The following TSNARE1 variants were observed in gnomAD, a reference collection of about 807,000 sequenced individuals.
The protein encoded by TSNARE1 is t-SNARE domain containing 1, also known as t-SNARE domain-containing protein 1.
Under a neutral mutation model 62.0 loss-of-function variants are expected in TSNARE1, and 49 were observed. The observed-to-expected ratio is 0.79, with a 90% CI of 0.63 to 1.00. The LOEUF is 1.00. Ranked by LOEUF, TSNARE1 falls within the 50% of genes least tolerant of loss-of-function variation. The pLI is 0.00. For missense variants in TSNARE1, 755 were observed against 700.1 expected, an observed-to-expected ratio of 1.08 and a Z score of -0.88; for synonymous variants, 328 against 294.4, an observed-to-expected ratio of 1.11 and a Z score of -1.17.
chr8:142,254,070 C>A (rs890437027), intron 12 of TSNARE1, among the ~76,000 whole-genome samples: 1 of 152,276 alleles, frequency 6.6e-6, no homozygotes, highest in Non-Finnish European at 1.5e-5. Flanking sequence ...ATAAAATGCT[C>A]TGTGCCTCCC....
chr8:142,250,843 T>G (rs73364661), intron 12 of TSNARE1, among the ~76,000 whole-genome samples: 2 of 152,128 alleles, frequency 1.3e-5, no homozygotes, highest in Admixed American at 6.5e-5. Flanking sequence ...CAGACTGCCT[T>G]GAACGCAGGA....
chr8:142,222,299 T>TCCACTAATTCAC (rs1563754961), intron 13 of TSNARE1, among the ~76,000 whole-genome samples: 453 of 20,146 alleles, frequency 0.022, 116 homozygotes, highest in African/African-American at 0.032. Flanking sequence ...CTCTCACTCA[T>TCCACTAATTCAC]TCACTCACTC....
chr8:142,236,516 C>A (rs1390375926), intron 12 of TSNARE1, among the ~76,000 whole-genome samples: 2 of 151,236 alleles, frequency 1.3e-5, no homozygotes, highest in Non-Finnish European at 3.0e-5. Context: ...GTTGGCCCCC[C>A]TCCCCTGTTT....
intron 12 of TSNARE1, among the ~76,000 whole-genome samples, chr8:142,243,685 C>T (rs997897343): frequency 3.3e-5 from 5 of 152,124 alleles, no homozygotes; most frequent in Admixed American, 3.3e-4. Flanking sequence ...CTCTAACGTA[C>T]AGCATGGTAA....
At chr8:142,341,896 G>A (rs1425637751) in intron 4 of TSNARE1, among the ~76,000 whole-genome samples, 1 of 152,188 alleles carries the variant, frequency 6.6e-6, no homozygotes, top group Non-Finnish European at 1.5e-5. Context: ...TGTGAGGAGG[G>A]CAGGAGGACT....
chr8:142,262,123 G>A (rs368564497), intron 12 of TSNARE1, among the ~76,000 whole-genome samples: 1 of 152,226 alleles, frequency 6.6e-6, no homozygotes, highest in Non-Finnish European at 1.5e-5. Flanking sequence ...CGGCGACTCC[G>A]TGGTGGGACA....
intron 13 of TSNARE1, among the ~76,000 whole-genome samples, chr8:142,221,727 A>G: frequency 7.1e-6 from 1 of 140,378 alleles, no homozygotes; most frequent in Non-Finnish European, 1.6e-5. Context: ...TCACTCATTC[A>G]CTCACTCATT....
At chr8:142,354,929 ACC>A (rs534007467) in intron 1 of TSNARE1, among the ~76,000 whole-genome samples, 166 bp from the exon 2 acceptor site, 2 of 146,704 alleles carry the variant, frequency 1.4e-5, no homozygotes, top group Non-Finnish European at 3.0e-5. Flanking sequence ...CCAAACAGCA[ACC>A]CCCCCACAGA....
intron 2 of TSNARE1, among the ~76,000 whole-genome samples, chr8:142,348,596 CGCCCCAG>C: frequency 7.4e-6 from 1 of 134,968 alleles, no homozygotes; most frequent in African/African-American, 2.8e-5. Flanking sequence ...CCCCCGCTCC[CGCCCCAG>C]GCTGCCCCAA....
intron 1 of TSNARE1, among the ~76,000 whole-genome samples, chr8:142,358,676 C>T (rs914686645): frequency 1.1e-4 from 16 of 152,016 alleles, no homozygotes; most frequent in African/African-American, 3.6e-4. Context: ...CAGAGGAGGC[C>T]AGTCTGGAAA....
At chr8:142,269,445 C>T in intron 12 of TSNARE1, 1 of 985,452 alleles carries the variant, frequency 1.0e-6, no homozygotes, top group Non-Finnish European at 1.2e-6. Context: ...ACAGAAAACA[C>T]ACACAGCCAT....
intron 9 of TSNARE1, among the ~76,000 whole-genome samples, chr8:142,305,825 G>A (rs1343910853): frequency 1.3e-5 from 2 of 152,204 alleles, no homozygotes; most frequent in African/African-American, 4.8e-5. Context: ...CCTCCCCACA[G>A]GGCTCAGGGC....
At chr8:142,363,695 C>G (rs1488386011) in intron 1 of TSNARE1, among the ~76,000 whole-genome samples, 1 of 152,178 alleles carries the variant, frequency 6.6e-6, no homozygotes, top group African/African-American at 2.4e-5. Flanking sequence ...ACTGATGTCC[C>G]CTGGACCACC....
At chr8:142,337,428 C>T (rs62513776) in intron 4 of TSNARE1, among the ~76,000 whole-genome samples, 24,266 of 152,246 alleles carry the variant, frequency 0.16, 2,082 homozygotes, top group East Asian at 0.3. Context: ...AGCTGGAGAA[C>T]GCGAAAGCAT....
chr8:142,294,705 G>A (rs191702521), intron 10 of TSNARE1, among the ~76,000 whole-genome samples: 134 of 152,362 alleles, frequency 8.8e-4, no homozygotes, highest in African/African-American at 3.0e-3. Context: ...GGCCTGGCTG[G>A]ACAGGCAGAC....
At chr8:142,393,011 C>G (rs950488420) in intron 1 of TSNARE1, among the ~76,000 whole-genome samples, 13 of 151,530 alleles carry the variant, frequency 8.6e-5, no homozygotes, top group African/African-American at 2.9e-4. Context: ...GACGGCTGGG[C>G]CGGCCAGGGA....
At chr8:142,224,718 GA>G (rs1022107404) in intron 13 of TSNARE1, among the ~76,000 whole-genome samples, 2 of 95,958 alleles carry the variant, frequency 2.1e-5, no homozygotes, top group African/African-American at 8.0e-5. Flanking sequence ...CAGAGCCAGG[GA>G]GGGGTGCTCT....
At position 142,229,522 on chromosome 8, in the gene TSNARE1, C is replaced by A. The variant is rs1245612010; in HGVS notation, c.1504G>T (p.Val502Phe). The A allele has an allele frequency of 6.2e-7, 1 of 1,614,080 alleles. No individual in the cohort carries two copies. The highest frequency in any genetic ancestry group is 8.5e-7 in the Non-Finnish European group (1 of 1,179,988). ...FLSAGVTALL[V>F]IIIIIATSVR... ...GAGGTGGCGATGATGATGATGATGACAAGCAGGGCAGTGACTCCAGCTGAT... is the reference window on the plus strand; with the variant it reads ...GAGGTGGCGATGATGATGATGATGAAAAGCAGGGCAGTGACTCCAGCTGAT... Residue 502 changes from valine (V) to phenylalanine (F), a missense_variant, in exon 13 of 14, where the codon GTC (valine) becomes TTC (phenylalanine). By Grantham distance (50) the Val-to-Phe change is conservative (BLOSUM62 -1). Coordinates refer to ENST00000524325, the MANE Select transcript of TSNARE1 (RefSeq NM_145003.5).
At chr8:142,301,521 C>T (rs1825775273) in intron 9 of TSNARE1, among the ~76,000 whole-genome samples, 1 of 149,928 alleles carries the variant, frequency 6.7e-6, no homozygotes, top group Non-Finnish European at 1.5e-5. Context: ...CTTCCCCTCC[C>T]GTCAGGAGCC....
Sources: allele counts gnomAD v4.1 joint callset (sites outside exome capture counted in the v4.1 genomes callset), GRCh38; gene constraint gnomAD v4.1.1; transcripts MANE v1.5; gene names NCBI Gene and HGNC (gene_info 2026-07-23, HGNC 2026-07-21).